SYT16: variants seen among roughly 807,000 people sequenced by gnomAD.
The protein encoded by SYT16 is synaptotagmin-16.
Under a neutral mutation model 61.4 loss-of-function variants are expected in SYT16, and 42 were observed. The observed-to-expected ratio is 0.68, with a 90% CI of 0.53 to 0.89. The LOEUF (loss-of-function observed/expected upper bound fraction) is 0.89, where lower values mean the gene tolerates loss of function less well. Among genes scored for constraint, SYT16 ranks in the 40% least tolerant of loss-of-function variants. SYT16 has a pLI of 0.00. For missense variants in SYT16, 804 were observed against 807.3 expected (o/e 1.00, Z 0.05); for synonymous variants, 314 against 302.3 (o/e 1.04, Z -0.40).
At chr14:61,890,806 G>A (rs940091836) in intron 1 of SYT16, among the ~76,000 whole-genome samples, 3 of 152,162 alleles carry the variant, frequency 2.0e-5, no homozygotes, top group Non-Finnish European at 4.4e-5. Flanking sequence ...ATGGGAGAGG[G>A]CTGGCTTCCT....
chr14:62,022,049 T>C (rs951409824), intron 3 of SYT16, among the ~76,000 whole-genome samples: 3 of 151,920 alleles, frequency 2.0e-5, no homozygotes, highest in Non-Finnish European at 4.4e-5. Context: ...TTTTCTTTTT[T>C]TTTTTTAAGG....
chr14:61,911,562 AAG>A (rs1239884716), intron 1 of SYT16, among the ~76,000 whole-genome samples: 3 of 152,240 alleles, frequency 2.0e-5, no homozygotes, highest in Non-Finnish European at 4.4e-5. Flanking sequence ...ACAGATGAAA[AAG>A]AGGCTCAGAG....
intron 1 of SYT16, among the ~76,000 whole-genome samples, chr14:61,949,921 C>T (rs1422710314): frequency 6.6e-6 from 1 of 152,174 alleles, no homozygotes; most frequent in Non-Finnish European, 1.5e-5. Context: ...CTTTGTAACA[C>T]GGTGCCTGCA....
intron 3 of SYT16, among the ~76,000 whole-genome samples, chr14:62,020,666 CTT>C (rs1427556486): frequency 6.6e-6 from 1 of 152,230 alleles, no homozygotes; most frequent in East Asian, 1.9e-4. Context: ...CTGGTTCTGA[CTT>C]TGGTTAAACT....
intron 1 of SYT16, among the ~76,000 whole-genome samples, chr14:61,867,784 C>T (rs913317550): frequency 8.6e-5 from 13 of 151,978 alleles, no homozygotes; most frequent in Non-Finnish European, 1.8e-4. Flanking sequence ...ATTAAGTCTG[C>T]TGTTGCTTGT....
chr14:61,863,598 C>T (rs139093364), intron 1 of SYT16, among the ~76,000 whole-genome samples: 14 of 152,164 alleles, frequency 9.2e-5, no homozygotes, highest in East Asian at 1.9e-4. Flanking sequence ...TTTCACAGAG[C>T]GGAAAGATTT....
intron 3 of SYT16, among the ~76,000 whole-genome samples, chr14:62,039,156 A>AG (rs141250164): frequency 0.051 from 7,834 of 152,184 alleles, 652 homozygotes; most frequent in African/African-American, 0.18. Context: ...TCTGGCTGTA[A>AG]GGGGAAGTTT....
chr14:61,859,100 T>C (rs1456123879), intron 1 of SYT16, among the ~76,000 whole-genome samples: 1 of 151,916 alleles, frequency 6.6e-6, no homozygotes, highest in Non-Finnish European at 1.5e-5. Flanking sequence ...ACCTCATGAT[T>C]CGCCCGCCTC....
rs2057442430 is a variant in SYT16, at chr14:62,102,595, G to C, written c.*1888G>C. Reference sequence around the variant, plus strand: ...AGAACTGAGTGCGATTGATTAAGTAGCAGCACAAAGAAGTGGCTTTTCACA... The same window carrying C: ...AGAACTGAGTGCGATTGATTAAGTACCAGCACAAAGAAGTGGCTTTTCACA... On this transcript the variant is annotated 3_prime_UTR_variant, in exon 8 of 8. Coordinates refer to ENST00000683842, the MANE Select transcript of SYT16 (RefSeq NM_001367656.1). The C allele has an allele frequency of 6.6e-6, 1 of 152,138 alleles. No individual in the cohort carries two copies. The highest frequency in any genetic ancestry group is 1.5e-5 in the Non-Finnish European group (1 of 68,030). The allele number at this position is 152,138 out of a possible 1,614,324, so 9.4% of individuals were successfully genotyped here.
chr14:61,949,682 A>G (rs2050591726), intron 1 of SYT16, among the ~76,000 whole-genome samples: 1 of 152,200 alleles, frequency 6.6e-6, no homozygotes. Context: ...TGATGGTGTT[A>G]TTGGATGCGG....
intron 1 of SYT16, among the ~76,000 whole-genome samples, chr14:61,914,112 A>G (rs2049031056): frequency 6.6e-6 from 1 of 152,104 alleles, no homozygotes. Flanking sequence ...AATGGTATAG[A>G]GAGTTATAAT....
chr14:61,977,333 A>G (rs2051855078), intron 2 of SYT16, among the ~76,000 whole-genome samples: 1 of 152,140 alleles, frequency 6.6e-6, no homozygotes, highest in African/African-American at 2.4e-5. Context: ...CAATTTTCAT[A>G]CTGCTATAAA....
intron 7 of SYT16, among the ~76,000 whole-genome samples, chr14:62,097,808 G>A (rs1005875752): frequency 9.2e-5 from 14 of 152,302 alleles, no homozygotes; most frequent in Non-Finnish European, 1.3e-4. Context: ...TGTGAAATGA[G>A]CATGCTTTTG....
chr14:61,894,320 G>A (rs2048250963), intron 1 of SYT16, among the ~76,000 whole-genome samples: 1 of 150,926 alleles, frequency 6.6e-6, no homozygotes, highest in Admixed American at 6.6e-5. Flanking sequence ...CTGTTCATTA[G>A]GTTCTCGGTT....
intron 1 of SYT16, among the ~76,000 whole-genome samples, chr14:61,966,841 G>T (rs1288738660): frequency 6.6e-6 from 1 of 152,174 alleles, no homozygotes; most frequent in African/African-American, 2.4e-5. Context: ...CTTTCCAGGA[G>T]TTTTCACTGA....
intron 4 of SYT16, among the ~76,000 whole-genome samples, chr14:62,071,411 G>A (rs1220220555): frequency 6.6e-6 from 1 of 152,148 alleles, no homozygotes; most frequent in Non-Finnish European, 1.5e-5. Context: ...CCTGGAACGA[G>A]CAACAAATTA....
chr14:61,949,770 T>C (rs1242864530), intron 1 of SYT16, among the ~76,000 whole-genome samples: 3 of 152,178 alleles, frequency 2.0e-5, no homozygotes, highest in Admixed American at 6.5e-5. Context: ...GGTTAACCCA[T>C]GTAAGTACTT....
chr14:61,983,740 C>T (rs1363349513), intron 2 of SYT16, among the ~76,000 whole-genome samples: 1 of 152,106 alleles, frequency 6.6e-6, no homozygotes, highest in African/African-American at 2.4e-5. Context: ...GTTGCCTAGG[C>T]TGGTCTCGAA....
chr14:62,099,792 C>A (rs1032768389), intron 7 of SYT16, among the ~76,000 whole-genome samples: 1 of 152,060 alleles, frequency 6.6e-6, no homozygotes, highest in African/African-American at 2.4e-5. Flanking sequence ...GGGGTAGGAT[C>A]GCTTTGGGCC....
Sources: gnomAD v4.1 joint callset for allele counts (sites outside exome capture counted in the v4.1 genomes callset) on GRCh38, gnomAD v4.1.1 for gene constraint, MANE v1.5 for transcripts, NCBI Gene and HGNC (gene_info 2026-07-23, HGNC 2026-07-21) for gene names.